Variants in MCF2L2 observed in about 807,000 individuals in gnomAD.
MCF2L2 encodes probable guanine nucleotide exchange factor MCF2L2.
In MCF2L2, 102 loss-of-function variants were observed where a neutral mutation model predicts 150.2. The ratio of observed to expected loss-of-function variants is 0.68; its 90% CI spans 0.58 to 0.80. The LOEUF is 0.80. MCF2L2 is among the 30% of genes least tolerant of loss of function. The pLI is 0.00. For missense variants in MCF2L2, 1,256 were observed against 1,372.8 expected (o/e 0.91, Z 1.34); for synonymous variants, 465 against 491.3 (o/e 0.95, Z 0.71).
chr3:183,269,531 G>A (rs1380141152), intron 15 of MCF2L2: 3 of 380,530 alleles, frequency 7.9e-6, no homozygotes, highest in Non-Finnish European at 1.4e-5. Flanking sequence ...AGAGCCGCAT[G>A]AGGCCGCCCA....
At chr3:183,210,677 T>G (rs539141839) in intron 22 of MCF2L2, among the ~76,000 whole-genome samples, 42 of 152,310 alleles carry the variant, frequency 2.8e-4, no homozygotes, top group African/African-American at 1.0e-3. Context: ...GTGTACACTC[T>G]CTAATGACTT....
At chr3:183,275,194 GT>G (rs970608354) in intron 15 of MCF2L2, among the ~76,000 whole-genome samples, 1 of 151,984 alleles carries the variant, frequency 6.6e-6, no homozygotes, top group Non-Finnish European at 1.5e-5. Context: ...CATTCCATGT[GT>G]TTTTTTACGA....
intron 1 of MCF2L2, among the ~76,000 whole-genome samples, chr3:183,402,342 T>C (rs919172230): frequency 6.7e-6 from 1 of 150,334 alleles, no homozygotes; most frequent in African/African-American, 2.4e-5. Flanking sequence ...TAGTCCCAGC[T>C]ACTCGGGAGG....
intron 15 of MCF2L2, among the ~76,000 whole-genome samples, chr3:183,242,663 G>A (rs1282200835): frequency 6.6e-6 from 1 of 152,234 alleles, no homozygotes; most frequent in Non-Finnish European, 1.5e-5. Flanking sequence ...GAGAATCTCT[G>A]CTAGGGGAGT....
chr3:183,291,937 T>A (rs546995813), intron 13 of MCF2L2, among the ~76,000 whole-genome samples: 1 of 152,314 alleles, frequency 6.6e-6, no homozygotes, highest in South Asian at 2.1e-4. Flanking sequence ...TGAGGCCAAG[T>A]CATAGATGTG....
chr3:183,370,761 A>ATTTACTTACTACAG (rs1490196285), intron 3 of MCF2L2, among the ~76,000 whole-genome samples: 2 of 152,064 alleles, frequency 1.3e-5, no homozygotes, highest in Non-Finnish European at 2.9e-5. Context: ...CTTTACTACA[A>ATTTACTTACTACAG]TTTACTTAAA....
intron 15 of MCF2L2, among the ~76,000 whole-genome samples, chr3:183,276,087 A>G (rs985686369): frequency 2.0e-5 from 3 of 152,262 alleles, no homozygotes; most frequent in African/African-American, 7.2e-5. Context: ...AGATTATACC[A>G]TTCAACGCCC....
chr3:183,217,606 T>C (rs1371643294), intron 21 of MCF2L2, among the ~76,000 whole-genome samples: 1 of 152,182 alleles, frequency 6.6e-6, no homozygotes, highest in Non-Finnish European at 1.5e-5. Flanking sequence ...TAAACTCCTA[T>C]AGAGACAAAG....
At chr3:183,226,344 G>A (rs1240983119) in intron 18 of MCF2L2, 1 of 152,250 alleles carries the variant, frequency 6.6e-6, no homozygotes, top group Non-Finnish European at 1.5e-5. Context: ...GAGGGAGGGT[G>A]AGGCAGGAGA....
At chr3:183,361,417 T>C (rs1712196199) in intron 3 of MCF2L2, among the ~76,000 whole-genome samples, 1 of 152,166 alleles carries the variant, frequency 6.6e-6, no homozygotes, top group Admixed American at 6.5e-5. Context: ...TAGGAGGTGA[T>C]TAGATCATGG....
chr3:183,422,205 T>C lies in MCF2L2; in HGVS notation c.76+5697A>G, dbSNP rs189558410. On this transcript the variant is annotated intron_variant, in intron 1 of 29. Transcript: ENST00000328913. ...TAAACAAGCTGGCCTATGGTTTAGC[T>C]TGTTGCTCTCACAAAGCTACCAGAC... is the stretch of plus-strand genomic sequence containing the variant. 2.9e-3 allele frequency among the ~76,000 whole-genome samples: 436 copies of C among 152,352 alleles called. 3 individuals are homozygous for C. Among genetic ancestry groups the C allele is most frequent in the African/African-American group, 8.2e-3 (341 of 41,582 alleles).
At chr3:183,359,500 A>T (rs1397312021) in intron 3 of MCF2L2, among the ~76,000 whole-genome samples, 2 of 152,192 alleles carry the variant, frequency 1.3e-5, no homozygotes, top group African/African-American at 4.8e-5. Flanking sequence ...CAAAAATAAC[A>T]TTTACTGTCT....
At chr3:183,360,780 G>A (rs777918727) in intron 3 of MCF2L2, among the ~76,000 whole-genome samples, 1 of 151,918 alleles carries the variant, frequency 6.6e-6, no homozygotes. Flanking sequence ...GACCAGCCTG[G>A]CCAACATGGT....
At position 183,197,639 on chromosome 3, in the gene MCF2L2, C is replaced by T. The variant is rs554999466; in HGVS notation, c.2885-2384G>A. On this transcript the variant is annotated intron_variant, in intron 25 of 29. Coordinates refer to ENST00000328913, the MANE Select transcript of MCF2L2 (RefSeq NM_015078.4). The surrounding 1 kb of genome is among the most constrained non-coding windows in gnomAD (Gnocchi z 4.5). ...ATATTATAAGAATTAAAGTCTTTTG[C>T]TCTTCAAAAGTCACTCTTAAGAGAA... Among the ~76,000 whole-genome samples, 11 of 152,220 alleles carry T rather than the reference C, an allele frequency of 7.2e-5. No homozygotes were observed. In the East Asian group the frequency reaches 1.3e-3, roughly 19 times the overall value.
At chr3:183,289,082 G>T in intron 14 of MCF2L2, 38 bp downstream of exon 14, 1 of 1,370,676 alleles carries the variant, frequency 7.3e-7, no homozygotes. Flanking sequence ...CTTCCCTCTT[G>T]TCAGGAAGTT....
At chr3:183,395,727 T>C (rs937771382) in intron 1 of MCF2L2, among the ~76,000 whole-genome samples, 1 of 151,960 alleles carries the variant, frequency 6.6e-6, no homozygotes, top group Non-Finnish European at 1.5e-5. Flanking sequence ...GAGACCAGCC[T>C]GGCCAACATG....
chr3:183,238,955 C>T (rs534034813), intron 15 of MCF2L2, among the ~76,000 whole-genome samples: 99 of 146,980 alleles, frequency 6.7e-4, no homozygotes, highest in Non-Finnish European at 7.4e-4. Context: ...CGAGATCACA[C>T]CACTGCACTC....
chr3:183,323,715 T>C (rs1729910312), intron 5 of MCF2L2, among the ~76,000 whole-genome samples: 1 of 151,770 alleles, frequency 6.6e-6, no homozygotes, highest in Admixed American at 6.6e-5. Flanking sequence ...AGAGGACTGC[T>C]TGGGCCTGGA....
At chr3:183,409,365 T>C (rs952159489) in intron 1 of MCF2L2, among the ~76,000 whole-genome samples, 10 of 152,200 alleles carry the variant, frequency 6.6e-5, no homozygotes, top group Non-Finnish European at 1.2e-4. Flanking sequence ...CAGCCAGACC[T>C]GACTTTTGAT....
Sources: allele counts gnomAD v4.1 joint callset (sites outside exome capture counted in the v4.1 genomes callset), GRCh38; gene constraint gnomAD v4.1.1; non-coding constraint Gnocchi (gnomAD v3.1); transcripts MANE v1.5; gene names NCBI Gene and HGNC (gene_info 2026-07-23, HGNC 2026-07-21).